The following SLC4A4 variants were observed in gnomAD, a reference collection of about 807,000 sequenced individuals.
The protein encoded by SLC4A4 is solute carrier family 4 member 4.
SLC4A4 carries 27 observed loss-of-function variants against 111.5 expected under a neutral mutation model. The ratio of observed to expected loss-of-function variants is 0.24; its 90% CI spans 0.18 to 0.33. The LOEUF (loss-of-function observed/expected upper bound fraction) is 0.33. SLC4A4 is among the 10% of genes least tolerant of loss of function. The pLI is 1.00. For synonymous variants in SLC4A4, 443 were observed against 463.4 expected (o/e 0.96, Z 0.57); for missense variants, 909 against 1,315.5 (o/e 0.69, Z 4.78).
intron 17 of SLC4A4, 41 bp downstream of exon 17, chr4:71,532,216 T>C (rs748266817): frequency 9.4e-7 from 1 of 1,068,292 alleles, no homozygotes; most frequent in South Asian, 1.2e-5. Flanking sequence ...TGGAACTCTT[T>C]TTCTTTCTTT....
chr4:71,296,075 A>G (rs1315335196), intron 3 of SLC4A4, among the ~76,000 whole-genome samples: 20 of 152,052 alleles, frequency 1.3e-4, no homozygotes, highest in East Asian at 9.7e-4. Context: ...CAGTGATACA[A>G]TGGTCCAAGA....
intron 3 of SLC4A4, among the ~76,000 whole-genome samples, chr4:71,269,987 C>T (rs1049031485): frequency 2.4e-4 from 37 of 152,278 alleles, no homozygotes; most frequent in African/African-American, 8.4e-4. Flanking sequence ...TTTCAAAGGG[C>T]ACTGGCAAAT....
At chr4:71,274,252 A>G (rs911736812) in intron 3 of SLC4A4, among the ~76,000 whole-genome samples, 1 of 152,182 alleles carries the variant, frequency 6.6e-6, no homozygotes, top group Non-Finnish European at 1.5e-5. Flanking sequence ...AAAGGTTTTC[A>G]CTGTCGTCAT....
intron 1 of SLC4A4, among the ~76,000 whole-genome samples, chr4:71,233,985 G>T (rs958428579): frequency 3.9e-5 from 6 of 152,164 alleles, no homozygotes; most frequent in African/African-American, 1.4e-4. Flanking sequence ...TTCTAGCCCT[G>T]TCCAGCTGTA....
rs140176251 is a variant in SLC4A4 at position 71,474,641 on chromosome 4, C to A, written c.1903+1671C>A. Among the ~76,000 whole-genome samples, 383 of 151,940 alleles carry A rather than the reference C, an allele frequency of 2.5e-3. 1 individual carries two copies. The highest frequency in any genetic ancestry group is 8.7e-3 in the African/African-American group (362 of 41,522). On this transcript the variant is annotated intron_variant, in intron 14 of 25. Coordinates refer to ENST00000264485, the MANE Select transcript of SLC4A4 (RefSeq NM_001098484.3). ...GATGACAAGCTAGGGCATTGTTGGGCTGTGTGCTCATGGATTCTTTTTGTG... is the reference window on the plus strand; with the variant it reads ...GATGACAAGCTAGGGCATTGTTGGGATGTGTGCTCATGGATTCTTTTTGTG...
At chr4:71,408,574 T>A (rs1388715681) in intron 7 of SLC4A4, among the ~76,000 whole-genome samples, 1 of 152,242 alleles carries the variant, frequency 6.6e-6, no homozygotes, top group Non-Finnish European at 1.5e-5. Context: ...ACTTCTGCTC[T>A]ATACTGCTCT....
At chr4:71,255,952 G>A (rs1448088392) in intron 3 of SLC4A4, among the ~76,000 whole-genome samples, 1 of 152,178 alleles carries the variant, frequency 6.6e-6, no homozygotes. Context: ...TGTATTAGAT[G>A]TCATACACTG....
chr4:71,465,694 T>C (rs913050748), intron 12 of SLC4A4, among the ~76,000 whole-genome samples: 4 of 151,962 alleles, frequency 2.6e-5, no homozygotes, highest in African/African-American at 9.7e-5. Context: ...GTGATCCTCG[T>C]TGACACGTCA....
At chr4:71,367,197 G>C (rs999439526) in intron 6 of SLC4A4, among the ~76,000 whole-genome samples, 1 of 152,200 alleles carries the variant, frequency 6.6e-6, no homozygotes, top group Non-Finnish European at 1.5e-5. Context: ...GGGAACGTTA[G>C]TTATCAGCAT....
At chr4:71,130,190 C>T (rs1301323063) in intron 2 of SLC4A4, among the ~76,000 whole-genome samples, 1 of 152,054 alleles carries the variant, frequency 6.6e-6, no homozygotes, top group Non-Finnish European at 1.5e-5. Context: ...TTCAAAGACT[C>T]CTCTGACCTC....
chr4:71,303,034 G>T (rs950975630), intron 3 of SLC4A4, among the ~76,000 whole-genome samples: 3 of 152,162 alleles, frequency 2.0e-5, no homozygotes, highest in African/African-American at 7.2e-5. Flanking sequence ...ATTAAGGAAA[G>T]TATAAAAATC....
At chr4:71,438,166 A>G (rs753906387) in intron 7 of SLC4A4, among the ~76,000 whole-genome samples, 2 of 152,192 alleles carry the variant, frequency 1.3e-5, no homozygotes, top group Admixed American at 1.3e-4. Context: ...GACTGTGATC[A>G]TTAAGGCCAA....
intron 6 of SLC4A4, among the ~76,000 whole-genome samples, chr4:71,375,240 T>TCC (rs1578951689): frequency 1.3e-5 from 2 of 152,314 alleles, no homozygotes; most frequent in East Asian, 3.9e-4. Context: ...TGTGGAAGTG[T>TCC]TCAGTGGTAC....
intron 16 of SLC4A4, among the ~76,000 whole-genome samples, chr4:71,512,405 G>A (rs566016006): frequency 3.9e-5 from 6 of 152,078 alleles, no homozygotes; most frequent in Admixed American, 2.0e-4. Flanking sequence ...GTGATGCTGA[G>A]CATTTTTTCA....
chr4:71,214,297 G>A (rs933248057), intron 1 of SLC4A4, among the ~76,000 whole-genome samples: 2 of 152,194 alleles, frequency 1.3e-5, no homozygotes, highest in Non-Finnish European at 2.9e-5. Flanking sequence ...AGGGAGGGAA[G>A]AGGTTTGAAA....
intron 2 of SLC4A4, among the ~76,000 whole-genome samples, chr4:71,165,633 C>G (rs533229413): frequency 6.6e-6 from 1 of 152,126 alleles, no homozygotes; most frequent in Non-Finnish European, 1.5e-5. Flanking sequence ...CAGCAAACCA[C>G]CATGGCACAT....
intron 2 of SLC4A4, among the ~76,000 whole-genome samples, chr4:71,171,733 G>A (rs1222101465): frequency 6.6e-6 from 1 of 152,108 alleles, no homozygotes; most frequent in African/African-American, 2.4e-5. Flanking sequence ...TGCATTCTCT[G>A]AAAAATCACC....
At chr4:71,466,959 GA>G (rs879640934) in intron 13 of SLC4A4, among the ~76,000 whole-genome samples, 65 of 109,792 alleles carry the variant, frequency 5.9e-4, no homozygotes, top group African/African-American at 2.3e-3. Context: ...GAGAGAGAGA[GA>G]GAGAGGGAGA....
At chr4:71,339,320 C>T in intron 3 of SLC4A4, 50 bp from the exon 4 acceptor site, 1 of 1,614,196 alleles carries the variant, frequency 6.2e-7, no homozygotes, top group Non-Finnish European at 8.5e-7. Context: ...GCTCCACTTT[C>T]CTCAGGGTTG....
Sources: allele counts gnomAD v4.1 joint callset (sites outside exome capture counted in the v4.1 genomes callset), GRCh38; gene constraint gnomAD v4.1.1; transcripts MANE v1.5; gene names NCBI Gene and HGNC (gene_info 2026-07-23, HGNC 2026-07-21).